ITGA2B: variants seen among roughly 807,000 people sequenced by gnomAD.
The protein encoded by ITGA2B is integrin subunit alpha 2b.
Under a neutral mutation model 142.0 loss-of-function variants are expected in ITGA2B, and 91 were observed. That is an observed-to-expected ratio of 0.64 (90% confidence interval 0.54 to 0.76). ITGA2B has a LOEUF of 0.76. ITGA2B is among the 30% of genes least tolerant of loss of function. ITGA2B has a pLI of 0.00. For missense variants in ITGA2B, 1,231 were observed against 1,350.8 expected (o/e 0.91, Z 1.39); for synonymous variants, 536 against 567.2 (o/e 0.94, Z 0.78).
intron 1 of ITGA2B, 142 bp from the exon 2 acceptor site, chr17:44,386,273 G>A: frequency 2.3e-6 from 3 of 1,277,022 alleles, no homozygotes; most frequent in South Asian, 2.7e-5. Context: ...ACAGACCACC[G>A]TGATGTACTT....
intron 1 of ITGA2B, among the ~76,000 whole-genome samples, chr17:44,387,372 A>C (rs2048658354): frequency 6.7e-6 from 1 of 148,188 alleles, no homozygotes; most frequent in Admixed American, 6.7e-5. Flanking sequence ...AAAATACAAA[A>C]ATTAGCCGGG....
chr17:44,372,495 A>G (rs970082972), intron 29 of ITGA2B, 72 bp from the exon 30 acceptor site: 1 of 1,383,358 alleles, frequency 7.2e-7, no homozygotes. Flanking sequence ...GTGAGGAAGT[A>G]TGCTAGCTAT....
At chr17:44,375,412 T>C in intron 26 of ITGA2B, 179 bp downstream of exon 26, 1 of 738,382 alleles carries the variant, frequency 1.4e-6, no homozygotes, top group East Asian at 2.7e-5. Flanking sequence ...AGTGCAAGTG[T>C]CTTTCAGCTC....
chr17:44,376,953 G>A, intron 22 of ITGA2B, 56 bp downstream of exon 22: 10 of 1,423,164 alleles, frequency 7.0e-6, no homozygotes, highest in Non-Finnish European at 9.6e-6. Context: ...GAGGGGCTCT[G>A]CACGGGGGTC....
At position 44,377,015 on chromosome 17, in the gene ITGA2B, A is replaced by G. The variant is rs2048550446; in HGVS notation, c.2261T>C (p.Ile754Thr). Residue 754 changes from isoleucine to threonine, a missense_variant, in exon 22 of 30, where the codon ATA becomes ACA. This residue lies in a region of ITGA2B where 908 missense variants were observed against 1,021.1 expected (regional missense o/e 0.89). Coordinates refer to ENST00000262407, the MANE Select transcript of ITGA2B (RefSeq NM_000419.5). ...ACGCTCGCCAGGTCAGTACCTCCGTATCTGCAGCTGGAAGGACACAGACTC... is the reference window on the plus strand; with the variant it reads ...ACGCTCGCCAGGTCAGTACCTCCGTGTCTGCAGCTGGAAGGACACAGACTC... ...AGESVSFQLQIRSKNSQNPNS... is the reference protein window; with the variant it reads ...AGESVSFQLQTRSKNSQNPNS... 2 of 1,589,620 alleles carry G rather than the reference A, an allele frequency of 1.3e-6. No homozygotes were observed. Among genetic ancestry groups the G allele is most frequent in the Non-Finnish European group, 1.7e-6 (2 of 1,168,520 alleles).
chr17:44,375,437 C>G, intron 26 of ITGA2B, 154 bp downstream of exon 26: 3 of 896,456 alleles, frequency 3.3e-6, no homozygotes, highest in Non-Finnish European at 5.1e-6. Flanking sequence ...CAGACACAAG[C>G]CAGCATGCTC....
At position 44,374,324 on chromosome 17, in the gene ITGA2B, C is replaced by A. The variant is rs138688789; in HGVS notation, c.3060+30G>T. 634 of 1,596,682 alleles carry A rather than the reference C, an allele frequency of 4.0e-4. 2 individuals are homozygous for A. The African/African-American group carries it at 7.8e-3, about 20-fold the overall frequency. ...AGGGCAGAGCCAAGCCTGTGCCCCG[C>A]TGGGGACTCCACCGTCCTTCACACC... On this transcript the variant is annotated intron_variant, in intron 29 of 29. Transcript: ENST00000262407.
rs962843143 is a variant in ITGA2B, at chr17:44,378,239, T to C, written c.2094+123A>G. 43 of 1,256,802 alleles carry C rather than the reference T, an allele frequency of 3.4e-5. No individual in the cohort carries two copies. The African/African-American group carries it at 5.9e-4, about 17-fold the overall frequency. 77.9% of individuals were successfully genotyped at this position (1,256,802 alleles called of 1,614,324 possible). A position where few individuals can be genotyped will look rare whatever the true frequency, so the allele number is the denominator to read the frequency against. On this transcript the variant is annotated intron_variant, in intron 20 of 29. Coordinates refer to ENST00000262407, the MANE Select transcript of ITGA2B (RefSeq NM_000419.5). ...TTCCTCCTCCAAATTAAAAAAAAAA[T>C]AAAAAATTACATCTTTGACAGCAAA... is the stretch of plus-strand genomic sequence containing the variant.
chr17:44,387,821 C>T (rs1197585732), intron 1 of ITGA2B, among the ~76,000 whole-genome samples: 1 of 78,110 alleles, frequency 1.3e-5, no homozygotes, highest in Admixed American at 1.8e-4. Context: ...AGCGAAACCC[C>T]ATCTCAAAAA....
rs768163602 is a variant in ITGA2B, at chr17:44,386,138, A to G, written c.189-7T>C. The G allele has an allele frequency of 3.1e-6, 5 of 1,591,314 alleles. No individual in the cohort carries two copies. In the African/African-American group the frequency reaches 4.0e-5, roughly 13 times the overall value. ...GCCCACCACGATGGCCACTCTGCAT[A>G]GGAAAGCTGGGTGAGCGCCGCGCAG... On this transcript the variant is annotated splice_polypyrimidine_tract_variant and splice_region_variant and intron_variant, in intron 1 of 29. Coordinates refer to ENST00000262407, the MANE Select transcript of ITGA2B (RefSeq NM_000419.5).
At chr17:44,388,893 G>A (rs1169515294) in intron 1 of ITGA2B, among the ~76,000 whole-genome samples, 2 of 141,416 alleles carry the variant, frequency 1.4e-5, no homozygotes, top group African/African-American at 2.7e-5. Flanking sequence ...TCGAATTCTC[G>A]ACCTCAGGTG....
intron 28 of ITGA2B, 53 bp downstream of exon 28, chr17:44,374,606 G>A (rs529061996): frequency 1.9e-6 from 3 of 1,557,754 alleles, no homozygotes; most frequent in East Asian, 4.5e-5. Flanking sequence ...GGCACTGACT[G>A]GGGGACAATG....
rs915377083 is a variant in ITGA2B at position 44,386,074 on chromosome 17, G to A, written c.246C>T (p.Gly82=). ...RTLGPSQEET[G]GVFLCPWRAE... is the part of the protein sequence containing the mutation. ...CCCTCCAGGGGCACAGGAACACGCC[G>A]CCCGTCTCCTCCTGGCTGGGGCCCA... The change falls in exon 2 of 30, where the codon GGC becomes GGT. Residue 82 remains glycine (G), a synonymous_variant. Coordinates refer to ENST00000262407, the MANE Select transcript of ITGA2B (RefSeq NM_000419.5). The A allele has an allele frequency of 1.2e-6, 2 of 1,611,040 alleles. No individual in the cohort carries two copies. Among genetic ancestry groups the A allele is most frequent in the Non-Finnish European group, 1.7e-6 (2 of 1,179,594 alleles).
intron 20 of ITGA2B, among the ~76,000 whole-genome samples, chr17:44,378,022 T>C: frequency 6.6e-6 from 1 of 151,312 alleles, no homozygotes; most frequent in East Asian, 1.9e-4. Flanking sequence ...ATGACCCCCA[T>C]TATTATAAAC....
Position 44,379,650 on chromosome 17 carries a change from G to T in ITGA2B, c.1878+39C>A, listed in dbSNP as rs148067822. The T allele has an allele frequency of 2.6e-4, 415 of 1,613,620 alleles. 1 individual carries two copies. In the Middle Eastern group the frequency reaches 4.1e-3, roughly 16 times the overall value. On this transcript the variant is annotated intron_variant, in intron 18 of 29. Transcript: ENST00000262407. Reference sequence around the variant, plus strand: ...ACCCTAATCCTGATTTGCTATCAGGGGTCCTGCACCTCCCTGGCCTGTCCC... The same window carrying T: ...ACCCTAATCCTGATTTGCTATCAGGTGTCCTGCACCTCCCTGGCCTGTCCC...
At chr17:44,375,759 C>T in intron 25 of ITGA2B, 43 bp from the exon 26 acceptor site, 2 of 1,557,422 alleles carry the variant, frequency 1.3e-6, no homozygotes, top group Non-Finnish European at 1.7e-6. Flanking sequence ...CTCCCCCGAA[C>T]CCCAGCCCAC....
At position 44,372,401 on chromosome 17, in the gene ITGA2B, C is replaced by T. The variant is rs773819905; in HGVS notation, c.3083G>A (p.Arg1028Gln). ...MWKVGFFKRNRPPLEEDDEEG... is the reference protein window; with the variant it reads ...MWKVGFFKRNQPPLEEDDEEG... ...TTCATCATCTTCTTCCAGGGGTGGCCGGTTCCGCTTGAAGAAGCCGACCTG... is the reference window on the plus strand; with the variant it reads ...TTCATCATCTTCTTCCAGGGGTGGCTGGTTCCGCTTGAAGAAGCCGACCTG... Residue 1028 changes from arginine (R) to glutamine (Q), a missense_variant, in exon 30 of 30, where the codon CGG becomes CAG. Arg to Gln is a conservative substitution (Grantham distance 43). This residue lies in a region of ITGA2B where 908 missense variants were observed against 1,021.1 expected (regional missense o/e 0.89). Coordinates refer to ENST00000262407, the MANE Select transcript of ITGA2B (RefSeq NM_000419.5). The T allele has an allele frequency of 4.0e-5, 65 of 1,613,952 alleles. No individual in the cohort carries two copies. In the South Asian group the frequency reaches 5.9e-4, roughly 15 times the overall value.
At position 44,372,372 on chromosome 17, in the gene ITGA2B, C is replaced by G; in HGVS notation, c.3112G>C (p.Gly1038Arg). Residue 1038 changes from glycine to arginine, a missense_variant, in exon 30 of 30, where the codon GGG becomes CGG. Gly to Arg is a moderately radical substitution (Grantham distance 125). Around this residue, in one of 3 missense-constraint regions of ITGA2B, gnomAD observed 908 missense variants for 1,021.1 expected, o/e 0.89. Coordinates refer to ENST00000262407, the MANE Select transcript of ITGA2B (RefSeq NM_000419.5). ...TAGTGTAGGCTGCACCATCACTCCC[C>G]CTCTTCATCATCTTCTTCCAGGGGT... Reference protein sequence around the residue: ...RPPLEEDDEEGE With the variant: ...RPPLEEDDEERE 1 of 1,614,100 alleles carries G rather than the reference C, an allele frequency of 6.2e-7. No homozygotes were observed. The highest frequency in any genetic ancestry group is 8.5e-7 in the Non-Finnish European group (1 of 1,180,024).
rs77120952 is a variant in ITGA2B, at chr17:44,389,356, T to C, written c.118A>G (p.Thr40Ala). Reference protein sequence around the residue: ...WALNLDPVQLTFYAGPNGSQF... With the variant: ...WALNLDPVQLAFYAGPNGSQF... ...CTGCCATTGGGGCCTGCATAGAAGG[T>C]GAGCTGCACTGGGTCCAGGTTCAAG... The change falls in exon 1 of 30, where the codon ACC becomes GCC. Residue 40 changes from threonine (T) to alanine (A), a missense_variant. By Grantham distance (58) the Thr-to-Ala change is moderately conservative (BLOSUM62 0). Coordinates refer to ENST00000262407, the MANE Select transcript of ITGA2B (RefSeq NM_000419.5). 2.2e-4 allele frequency: 350 copies of C among 1,613,992 alleles called. No homozygotes were observed. The highest frequency in any genetic ancestry group is 2.8e-4 in the Non-Finnish European group (334 of 1,180,028).
Sources: gnomAD v4.1 joint callset for allele counts (sites outside exome capture counted in the v4.1 genomes callset) on GRCh38, gnomAD v4.1.1 for gene constraint, gnomAD v4.1.1 regional missense constraint, MANE v1.5 for transcripts, NCBI Gene and HGNC (gene_info 2026-07-23, HGNC 2026-07-21) for gene names.